Variants in CLASP2 observed in about 807,000 individuals in gnomAD.
The protein encoded by CLASP2 is CLIP-associating protein 2.
Under a neutral mutation model 194.4 loss-of-function variants are expected in CLASP2, and 47 were observed. The observed-to-expected ratio is 0.24, with a 90% CI of 0.19 to 0.31. The LOEUF (loss-of-function observed/expected upper bound fraction) is 0.31, where lower values mean the gene tolerates loss of function less well. Among genes scored for constraint, CLASP2 ranks in the 10% least tolerant of loss-of-function variants. The pLI is 1.00. For synonymous variants in CLASP2, 619 were observed against 633.5 expected (o/e 0.98, Z 0.34); for missense variants, 1,445 against 1,823.6 (o/e 0.79, Z 3.78).
At chr3:33,595,017 A>G (rs2069861502) in intron 19 of CLASP2, 49 bp from the exon 20 acceptor site, 1 of 1,264,696 alleles carries the variant, frequency 7.9e-7, no homozygotes, top group Non-Finnish European at 1.1e-6. Context: ...GCCAATGTTG[A>G]TATTAAGACC....
chr3:33,708,552 A>G (rs996041657), intron 1 of CLASP2, among the ~76,000 whole-genome samples: 4 of 130,016 alleles, frequency 3.1e-5, no homozygotes, highest in Non-Finnish European at 5.0e-5. Context: ...ATGTATATAT[A>G]TATATATATA....
intron 6 of CLASP2, among the ~76,000 whole-genome samples, chr3:33,668,970 C>G (rs779052981): frequency 6.6e-6 from 1 of 152,124 alleles, no homozygotes; most frequent in Non-Finnish European, 1.5e-5. Context: ...AAAGTATTAG[C>G]TACCTGCATA....
chr3:33,686,016 A>G (rs2090621628), intron 5 of CLASP2, among the ~76,000 whole-genome samples: 1 of 152,150 alleles, frequency 6.6e-6, no homozygotes, highest in Non-Finnish European at 1.5e-5. Flanking sequence ...TGTATTTGCT[A>G]TAATAAAAGG....
intron 9 of CLASP2, among the ~76,000 whole-genome samples, chr3:33,629,070 C>G (rs1224946924): frequency 1.3e-5 from 2 of 151,674 alleles, no homozygotes; most frequent in Non-Finnish European, 2.9e-5. Flanking sequence ...GTGATTTACT[C>G]AAGACCTGTT....
At chr3:33,697,029 T>C (rs1575659870) in intron 1 of CLASP2, 96 bp from the exon 2 acceptor site, 1 of 719,332 alleles carries the variant, frequency 1.4e-6, no homozygotes, top group South Asian at 1.9e-5. Context: ...TTCATAAATA[T>C]ATTACATTTT....
chr3:33,553,993 G>A (rs574917737), intron 29 of CLASP2, among the ~76,000 whole-genome samples: 1 of 152,278 alleles, frequency 6.6e-6, no homozygotes, highest in East Asian at 1.9e-4. Context: ...TTGAAAGGCT[G>A]AGGTGGGCGG....
chr3:33,556,488 G>A (rs1221121158), intron 29 of CLASP2, among the ~76,000 whole-genome samples: 2 of 151,466 alleles, frequency 1.3e-5, no homozygotes, highest in East Asian at 1.9e-4. Context: ...CAGGCTAGAG[G>A]GCAGTGGCGC....
chr3:33,706,087 T>C (rs1263579117), intron 1 of CLASP2, among the ~76,000 whole-genome samples: 1 of 152,070 alleles, frequency 6.6e-6, no homozygotes, highest in African/African-American at 2.4e-5. Flanking sequence ...ACCCCATCTC[T>C]ACAAGAAATA....
intron 9 of CLASP2, 115 bp from the exon 10 acceptor site, chr3:33,627,195 C>T: frequency 1.4e-6 from 1 of 698,042 alleles, no homozygotes; most frequent in South Asian, 1.6e-5. Context: ...CATTCTAGCA[C>T]CATTTCTAAT....
intron 2 of CLASP2, among the ~76,000 whole-genome samples, chr3:33,696,353 CTT>C (rs962854814): frequency 8.1e-3 from 429 of 52,746 alleles, no homozygotes; most frequent in South Asian, 0.057. Flanking sequence ...TTCTTTCTTT[CTT>C]TTTTTTTTTT....
At chr3:33,582,459 A>G (rs541192585) in intron 22 of CLASP2, among the ~76,000 whole-genome samples, 1 of 152,276 alleles carries the variant, frequency 6.6e-6, no homozygotes, top group Admixed American at 6.5e-5. Context: ...GATCGAGATC[A>G]GTCTGGGCAA....
At chr3:33,621,212 G>A (rs1202362303) in intron 11 of CLASP2, among the ~76,000 whole-genome samples, 2 of 152,026 alleles carry the variant, frequency 1.3e-5, no homozygotes, top group African/African-American at 2.4e-5. Flanking sequence ...AACATCACTT[G>A]CATCTTTTAA....
At chr3:33,677,812 A>C (rs1021391775) in intron 6 of CLASP2, among the ~76,000 whole-genome samples, 1 of 150,984 alleles carries the variant, frequency 6.6e-6, no homozygotes, top group African/African-American at 2.4e-5. Flanking sequence ...TCTAAAGTTT[A>C]AAAACAAAAA....
chr3:33,670,829 A>G (rs1055747495), intron 6 of CLASP2, among the ~76,000 whole-genome samples: 72 of 152,320 alleles, frequency 4.7e-4, no homozygotes, highest in African/African-American at 1.6e-3. Context: ...CAGGAGTTCA[A>G]CTTGGTTTTC....
intron 37 of CLASP2, chr3:33,505,477 A>G (rs1042914660): frequency 6.6e-6 from 1 of 152,184 alleles, no homozygotes; most frequent in Non-Finnish European, 1.5e-5. Flanking sequence ...ACAAAAATTA[A>G]CTCAAGGAGT....
chr3:33,569,845 T>A (rs1031335728), intron 26 of CLASP2, among the ~76,000 whole-genome samples: 1 of 152,172 alleles, frequency 6.6e-6, no homozygotes, highest in Non-Finnish European at 1.5e-5. Flanking sequence ...ATGTGGGATT[T>A]CATTATCTTT....
chr3:33,570,807 GC>G lies in CLASP2; in HGVS notation c.2700-18del. 1 of 1,562,108 alleles carries G rather than the reference GC, an allele frequency of 6.4e-7. No individual in the cohort carries two copies. Reference sequence around the variant, plus strand: ...TCAACTCGACTGCCAAGATAATACAGCGGTTAATTAATATCTTGCTGTAGCA... The same window carrying G: ...TCAACTCGACTGCCAAGATAATACAGGGTTAATTAATATCTTGCTGTAGCA... On this transcript the variant is annotated intron_variant, in intron 25 of 38. Transcript: ENST00000682230.
At chr3:33,587,655 A>G (rs771732828) in intron 21 of CLASP2, among the ~76,000 whole-genome samples, 46 of 152,224 alleles carry the variant, frequency 3.0e-4, no homozygotes, top group Non-Finnish European at 6.3e-4. Context: ...AAAATAGCTC[A>G]TTTGAATGTT....
intron 8 of CLASP2, among the ~76,000 whole-genome samples, chr3:33,633,217 C>T (rs899693550): frequency 2.6e-5 from 4 of 152,194 alleles, no homozygotes; most frequent in African/African-American, 9.6e-5. Flanking sequence ...CCTCCACCCT[C>T]TCCTTAGAGG....
Sources: allele counts gnomAD v4.1 joint callset (sites outside exome capture counted in the v4.1 genomes callset), GRCh38; gene constraint gnomAD v4.1.1; transcripts MANE v1.5; gene names NCBI Gene and HGNC (gene_info 2026-07-23, HGNC 2026-07-21).